The following MTUS2 variants were observed in gnomAD, a reference collection of about 807,000 sequenced individuals.
MTUS2 encodes the protein microtubule-associated tumor suppressor candidate 2.
MTUS2 carries 40 observed loss-of-function variants against 114.1 expected under a neutral mutation model. That is an observed-to-expected ratio of 0.35 (90% CI 0.27 to 0.46). The LOEUF (loss-of-function observed/expected upper bound fraction) is 0.46. Ranked by LOEUF, MTUS2 falls within the 20% of genes least tolerant of loss-of-function variation. The pLI is 1.00. For missense variants in MTUS2, 1,679 were observed against 1,705.4 expected (o/e 0.98, Z 0.27); for synonymous variants, 688 against 672.0 (o/e 1.02, Z -0.37).
intron 2 of MTUS2, among the ~76,000 whole-genome samples, chr13:28,985,109 CT>C (rs1361104667): frequency 1.3e-5 from 2 of 152,172 alleles, no homozygotes; most frequent in African/African-American, 4.8e-5. Context: ...ATGTGTCAAC[CT>C]TTTGGAGTTG....
At chr13:28,842,985 A>G (rs747552302) in intron 2 of MTUS2, among the ~76,000 whole-genome samples, 1 of 152,212 alleles carries the variant, frequency 6.6e-6, no homozygotes, top group Admixed American at 6.5e-5. Flanking sequence ...GAGCTAATGT[A>G]GCCAGACATG....
intron 5 of MTUS2, among the ~76,000 whole-genome samples, chr13:29,180,673 G>A (rs1593567139): frequency 1.3e-5 from 2 of 152,248 alleles, no homozygotes; most frequent in Middle Eastern, 6.8e-3. Context: ...ACAGGTCACT[G>A]GCTAGGCTAT....
At chr13:29,158,358 C>CCCTTT in intron 5 of MTUS2, among the ~76,000 whole-genome samples, 3 of 32,048 alleles carry the variant, frequency 9.4e-5, no homozygotes, top group Non-Finnish European at 1.0e-4. Flanking sequence ...GTCCACCCCG[C>CCCTTT]TTTTTTTTTT....
chr13:29,484,696 T>G (rs1881464147), intron 10 of MTUS2, among the ~76,000 whole-genome samples: 1 of 152,190 alleles, frequency 6.6e-6, no homozygotes. Flanking sequence ...CCATGTAGGA[T>G]GGGCGCAAAT....
chr13:29,442,795 A>G (rs1235154375), intron 9 of MTUS2, among the ~76,000 whole-genome samples: 3 of 152,222 alleles, frequency 2.0e-5, no homozygotes, highest in African/African-American at 7.2e-5. Context: ...AGACTTGAGC[A>G]TGAGGAAGGT....
At chr13:29,116,024 T>C (rs962581164) in intron 5 of MTUS2, among the ~76,000 whole-genome samples, 2 of 152,228 alleles carry the variant, frequency 1.3e-5, no homozygotes, top group Non-Finnish European at 2.9e-5. Flanking sequence ...TGTTGGCATG[T>C]AGATATCTGT....
Position 29,026,459 on chromosome 13 carries a change from G to A in MTUS2, c.1761G>A (p.Val587=). The A allele has an allele frequency of 3.1e-6, 5 of 1,613,984 alleles. No homozygotes were observed. The highest frequency in any genetic ancestry group is 4.2e-6 in the Non-Finnish European group (5 of 1,179,890). The change falls in exon 3 of 16, where the codon GTG becomes GTA. Residue 587 remains valine (V), a synonymous_variant. Transcript: ENST00000612955. The part of the protein sequence containing the change: ...SARLLNTSPK[V]PDKNTCPSGI... ...GCTTGTTGAACACGTCCCCCAAAGT[G>A]CCTGACAAGAACACTTGCCCCAGTG...
At chr13:29,307,706 T>C in intron 6 of MTUS2, 2 of 1,130,712 alleles carry the variant, frequency 1.8e-6, no homozygotes, top group Non-Finnish European at 1.3e-6. Context: ...TTTTTCAAGC[T>C]CATTTCCTGG....
rs74947637 is a variant in MTUS2, at chr13:28,935,703, C to G, written c.-242-88754C>G. Among the ~76,000 whole-genome samples, 872 of 152,104 alleles carry G rather than the reference C, an allele frequency of 5.7e-3. 12 individuals carry two copies. Among genetic ancestry groups the G allele is most frequent in the African/African-American group, 0.02 (842 of 41,482 alleles). ...GCACTACCCAGAAGGAAAGCAAATGCAATTATAAACATTTTAACTCAGCCT... is the reference window on the plus strand; with the variant it reads ...GCACTACCCAGAAGGAAAGCAAATGGAATTATAAACATTTTAACTCAGCCT... On this transcript the variant is annotated intron_variant, in intron 2 of 15. Transcript: ENST00000612955.
intron 8 of MTUS2, among the ~76,000 whole-genome samples, chr13:29,392,207 G>A (rs1279057583): frequency 4.0e-5 from 6 of 149,334 alleles, no homozygotes; most frequent in Admixed American, 4.0e-4. Flanking sequence ...TGTACCTATT[G>A]AATAATAACT....
At chr13:28,955,219 T>C (rs547145657) in intron 2 of MTUS2, among the ~76,000 whole-genome samples, 1 of 152,220 alleles carries the variant, frequency 6.6e-6, no homozygotes, top group Non-Finnish European at 1.5e-5. Flanking sequence ...AGCCTGACAT[T>C]GCACGATTTC....
intron 2 of MTUS2, among the ~76,000 whole-genome samples, chr13:29,014,610 A>T (rs1199275316): frequency 1.3e-5 from 2 of 152,212 alleles, no homozygotes; most frequent in African/African-American, 4.8e-5. Flanking sequence ...CTGAGGGTAG[A>T]GGAGGACCAT....
chr13:29,377,734 C>A (rs1296090310), intron 8 of MTUS2, among the ~76,000 whole-genome samples: 2 of 151,822 alleles, frequency 1.3e-5, no homozygotes, highest in Non-Finnish European at 2.9e-5. Context: ...CAAAACAAAC[C>A]CAAAGCAACT....
intron 5 of MTUS2, among the ~76,000 whole-genome samples, chr13:29,131,477 G>A (rs1593510153): frequency 6.6e-6 from 1 of 152,370 alleles, no homozygotes; most frequent in East Asian, 1.9e-4. Context: ...AGCAGGTGGG[G>A]GCCATTGAGG....
At position 29,325,466 on chromosome 13, in the gene MTUS2, A is replaced by AAAAAAG. The variant is rs1555265213; in HGVS notation, c.2905+759_2905+760insAGAAAA. 1.4e-3 allele frequency among the ~76,000 whole-genome samples: 183 copies of AAAAAAG among 126,380 alleles called. 4 individuals carry two copies. The highest frequency in any genetic ancestry group is 2.0e-3 in the South Asian group (8 of 3,952). The allele number at this position is 126,380 out of a possible 152,430, so 82.9% of individuals were successfully genotyped here. On this transcript the variant is annotated intron_variant, in intron 7 of 15. Transcript: ENST00000612955. ...GTGAGACTTCATCTCAAAAAAAAAA[A>AAAAAAG]AAAAGAAAAGAAGAAGAGGAAGAGG...
chr13:28,879,076 T>A (rs1878130123), intron 2 of MTUS2, among the ~76,000 whole-genome samples: 1 of 152,228 alleles, frequency 6.6e-6, no homozygotes, highest in South Asian at 2.1e-4. Flanking sequence ...TCTCTGGTGA[T>A]CAATGATGTT....
intron 2 of MTUS2, among the ~76,000 whole-genome samples, chr13:28,989,884 T>C (rs1884755085): frequency 2.0e-5 from 3 of 151,696 alleles, no homozygotes; most frequent in South Asian, 4.2e-4. Context: ...TTGCCTGATT[T>C]GTGCATGTTG....
intron 2 of MTUS2, among the ~76,000 whole-genome samples, chr13:28,843,347 G>A (rs1161453): frequency 0.69 from 105,109 of 151,978 alleles, 37,924 homozygotes; most frequent in Non-Finnish European, 0.79. Context: ...GGAACCCAGC[G>A]GTGTGTACAT....
chr13:29,184,841 A>T (rs1894155575), intron 5 of MTUS2, among the ~76,000 whole-genome samples: 1 of 152,190 alleles, frequency 6.6e-6, no homozygotes, highest in Non-Finnish European at 1.5e-5. Flanking sequence ...CTAGTTTTTT[A>T]ACAAAAAATT....
Sources: allele counts gnomAD v4.1 joint callset (sites outside exome capture counted in the v4.1 genomes callset), GRCh38; gene constraint gnomAD v4.1.1; transcripts MANE v1.5; gene names NCBI Gene and HGNC (gene_info 2026-07-23, HGNC 2026-07-21).